Variants in SNRNP27 observed in about 807,000 individuals in gnomAD.
SNRNP27 encodes U4/U6.U5 small nuclear ribonucleoprotein 27 kDa protein.
In SNRNP27, 22 loss-of-function variants were observed where a neutral mutation model predicts 25.1. The ratio of observed to expected loss-of-function variants is 0.88; its 90% CI spans 0.63 to 1.25. SNRNP27 has a LOEUF of 1.25. Among genes scored for constraint, SNRNP27 ranks in the 50% most tolerant of loss-of-function variants. The pLI is 0.00. For missense variants in SNRNP27, 150 were observed against 202.3 expected (o/e 0.74, Z 1.57); for synonymous variants, 66 against 64.9 (o/e 1.02, Z -0.08).
chr2:69,897,516 C>T, intron 4 of SNRNP27, 60 bp downstream of exon 4: 2 of 1,256,948 alleles, frequency 1.6e-6, no homozygotes, highest in Non-Finnish European at 2.3e-6. Context: ...CCTATCTTTC[C>T]ATGTTCTTTT....
intron 4 of SNRNP27, among the ~76,000 whole-genome samples, chr2:69,902,552 C>G (rs1230234309): frequency 2.6e-5 from 4 of 151,828 alleles, no homozygotes; most frequent in African/African-American, 9.7e-5. Context: ...TCTGCTGCTT[C>G]TGCTGCTCCT....
Position 69,903,189 on chromosome 2 carries a change from G to A in SNRNP27, c.357G>A (p.Lys119=). ...FASFDSTKGK[K]VDGSVNAYAI... ...TTATTGTTTTTCTTCAGGGTAAGAA[G>A]GTGGATGGCTCTGTAAATGCCTATG... Residue 119 remains lysine, a synonymous_variant, in exon 5 of 6, where the codon AAG becomes AAA. Transcript: ENST00000244227. The A allele has an allele frequency of 6.2e-7, 1 of 1,612,566 alleles. No individual in the cohort carries two copies. Among genetic ancestry groups the A allele is most frequent in the Non-Finnish European group, 8.5e-7 (1 of 1,178,690 alleles).
In SNRNP27 at chr2:69,895,048, A is replaced by G. The variant is rs769169796; in HGVS notation, c.35-46A>G. 4.4e-6 allele frequency: 7 copies of G among 1,608,458 alleles called. No homozygotes were observed. In the East Asian group the frequency reaches 1.6e-4, roughly 36 times the overall value. On this transcript the variant is annotated intron_variant, in intron 1 of 5. Transcript: ENST00000244227. ...TCTACTGGACGGCGCAGCTCTAGATATTTGAGGTAATTATCAGTTCTGCAA... is the reference window on the plus strand; with the variant it reads ...TCTACTGGACGGCGCAGCTCTAGATGTTTGAGGTAATTATCAGTTCTGCAA...
intron 5 of SNRNP27, among the ~76,000 whole-genome samples, chr2:69,903,648 C>T (rs994660385): frequency 1.3e-5 from 2 of 152,092 alleles, no homozygotes; most frequent in Admixed American, 1.3e-4. Flanking sequence ...AGTTTTGGAG[C>T]GAACCAATCC....
At chr2:69,896,892 T>C (rs1676613407) in intron 3 of SNRNP27, among the ~76,000 whole-genome samples, 2 of 152,144 alleles carry the variant, frequency 1.3e-5, no homozygotes, top group African/African-American at 2.4e-5. Context: ...CAGGCTGGTC[T>C]CAAACTCCTG....
chr2:69,897,139 T>G (rs1277080079), intron 3 of SNRNP27, among the ~76,000 whole-genome samples: 1 of 151,496 alleles, frequency 6.6e-6, no homozygotes, highest in African/African-American at 2.4e-5. Context: ...AAACCCAGGT[T>G]TTTTTTTAAA....
At chr2:69,895,800 T>C (rs1429522270) in intron 2 of SNRNP27, among the ~76,000 whole-genome samples, 2 of 152,154 alleles carry the variant, frequency 1.3e-5, no homozygotes, top group African/African-American at 2.4e-5. Context: ...GACCTCGTGA[T>C]CCACCCACCT....
chr2:69,899,884 G>A (rs566146448), intron 4 of SNRNP27, among the ~76,000 whole-genome samples: 6 of 152,160 alleles, frequency 3.9e-5, no homozygotes, highest in South Asian at 4.2e-4. Context: ...ATGCCGCCAC[G>A]CCAGGATAAT....
At chr2:69,904,187 TG>T (rs1409537150) in intron 5 of SNRNP27, 66 bp from the exon 6 acceptor site, 6 of 957,270 alleles carry the variant, frequency 6.3e-6, no homozygotes, top group Middle Eastern at 2.3e-4. Flanking sequence ...CTCTGATGCA[TG>T]TTTTTTTTTT....
rs1424939300 is a variant in SNRNP27 at position 69,904,250 on chromosome 2, A to G, written c.414-4A>G. 3.8e-6 allele frequency: 6 copies of G among 1,592,654 alleles called. No individual in the cohort carries two copies. The highest frequency in any genetic ancestry group is 2.7e-5 in the African/African-American group (2 of 73,670). On this transcript the variant is annotated splice_region_variant and splice_polypyrimidine_tract_variant and intron_variant, in intron 5 of 5. Coordinates refer to ENST00000244227, the MANE Select transcript of SNRNP27 (RefSeq NM_006857.3). The stretch of plus-strand genomic sequence containing the variant: ...AAACAATGAATTTTCTCTTCTCATC[A>G]TAGGCAGTACATGAATCGAAAAGGT...
At chr2:69,894,920 TC>T (rs537155679) in intron 1 of SNRNP27, among the ~76,000 whole-genome samples, 173 bp from the exon 2 acceptor site, 1,635 of 152,252 alleles carry the variant, frequency 0.011, 19 homozygotes, top group African/African-American at 0.037. Context: ...GACCTTGTGA[TC>T]CGCCCGCCAG....
chr2:69,901,151 T>G (rs1676689388), intron 4 of SNRNP27, among the ~76,000 whole-genome samples: 1 of 147,896 alleles, frequency 6.8e-6, no homozygotes, highest in African/African-American at 2.5e-5. Context: ...TCTAGCCTAG[T>G]GGCAGAGCAA....
At chr2:69,901,219 A>G (rs1471998731) in intron 4 of SNRNP27, among the ~76,000 whole-genome samples, 3 of 152,208 alleles carry the variant, frequency 2.0e-5, no homozygotes, top group Non-Finnish European at 2.9e-5. Context: ...ACTGTGAGGA[A>G]GGCACAGTTA....
chr2:69,896,363 A>C (rs1676598776), intron 2 of SNRNP27, 73 bp from the exon 3 acceptor site: 1 of 1,374,724 alleles, frequency 7.3e-7, no homozygotes, highest in African/African-American at 1.5e-5. Context: ...AGCTCACCTC[A>C]TGTATATCTG....
At chr2:69,899,682 G>A (rs1676660624) in intron 4 of SNRNP27, among the ~76,000 whole-genome samples, 1 of 152,122 alleles carries the variant, frequency 6.6e-6, no homozygotes, top group African/African-American at 2.4e-5. Flanking sequence ...CACCTGCCTT[G>A]GCCTCCCAAA....
chr2:69,897,786 G>A (rs564062297), intron 4 of SNRNP27: 8 of 201,736 alleles, frequency 4.0e-5, no homozygotes, highest in Middle Eastern at 2.1e-3. Context: ...TTTCAGATTC[G>A]ACCAGGGATA....
chr2:69,903,498 C>T lies in SNRNP27; in HGVS notation c.413+253C>T, dbSNP rs896451099. The T allele has an allele frequency of 4.8e-5, 19 of 399,428 alleles. 1 individual carries two copies. The highest frequency in any genetic ancestry group is 3.7e-4 in the African/African-American group (18 of 48,550). 24.7% of individuals were successfully genotyped at this position (399,428 alleles called of 1,614,324 possible). A position where few individuals can be genotyped will look rare whatever the true frequency, so the allele number is the denominator to read the frequency against. On this transcript the variant is annotated intron_variant, in intron 5 of 5. Transcript: ENST00000244227. ...ATAGATAGTAATTTCCTCAGAAAAG[C>T]ATAATTTCAAGTCTATGGGCTTTGA...
chr2:69,895,974 GT>G (rs3078818), intron 2 of SNRNP27, among the ~76,000 whole-genome samples: 32,803 of 141,878 alleles, frequency 0.23, 4,015 homozygotes, highest in African/African-American at 0.35. Context: ...TTTTTGGTTT[GT>G]TTTTTTTTTT....
chr2:69,897,673 T>G, intron 4 of SNRNP27: 1 of 511,192 alleles, frequency 2.0e-6, no homozygotes, highest in Non-Finnish European at 3.5e-6. Context: ...AAAGGACAAG[T>G]AGAAGTGATC....
Sources: gnomAD v4.1 joint callset for allele counts (sites outside exome capture counted in the v4.1 genomes callset) on GRCh38, gnomAD v4.1.1 for gene constraint, MANE v1.5 for transcripts, NCBI Gene and HGNC (gene_info 2026-07-23, HGNC 2026-07-21) for gene names.